The following PLCB4 variants were observed in gnomAD, a reference collection of about 807,000 sequenced individuals.
The protein encoded by PLCB4 is 1-phosphatidylinositol 4,5-bisphosphate phosphodiesterase beta-4.
A neutral mutation model predicts 178.8 loss-of-function variants in PLCB4; 77 were observed. That is an observed-to-expected ratio of 0.43 (90% CI 0.36 to 0.52). The LOEUF (loss-of-function observed/expected upper bound fraction) is 0.52, where lower values mean the gene tolerates loss of function less well. Ranked by LOEUF, PLCB4 falls within the 20% of genes least tolerant of loss-of-function variation. The pLI is 0.00. For synonymous variants in PLCB4, 496 were observed against 490.8 expected, an observed-to-expected ratio of 1.01 and a Z score of -0.14; for missense variants, 1,024 against 1,453.4, an observed-to-expected ratio of 0.70 and a Z score of 4.80.
At chr20:9,167,797 AT>A (rs2092996975) in intron 2 of PLCB4, among the ~76,000 whole-genome samples, 1 of 152,166 alleles carries the variant, frequency 6.6e-6, no homozygotes, top group Non-Finnish European at 1.5e-5. Context: ...TGCGTACTTT[AT>A]TTTTTCAGTT....
At chr20:9,262,511 G>A (rs989551652) in intron 3 of PLCB4, among the ~76,000 whole-genome samples, 17 of 152,130 alleles carry the variant, frequency 1.1e-4, no homozygotes, top group African/African-American at 4.1e-4. Context: ...TGATGAGACT[G>A]GAGGAGTAGG....
At chr20:9,336,059 T>C (rs1243899302) in intron 4 of PLCB4, among the ~76,000 whole-genome samples, 1 of 152,140 alleles carries the variant, frequency 6.6e-6, no homozygotes, top group African/African-American at 2.4e-5. Flanking sequence ...CTTAAAACCT[T>C]AATCCTGTAA....
At chr20:9,373,322 C>T (rs1022088373) in intron 12 of PLCB4, among the ~76,000 whole-genome samples, 1 of 152,132 alleles carries the variant, frequency 6.6e-6, no homozygotes, top group African/African-American at 2.4e-5. Context: ...TTGTTGGTTT[C>T]TGGCTGTTAC....
intron 3 of PLCB4, among the ~76,000 whole-genome samples, chr20:9,281,647 A>G (rs2147696251): frequency 6.6e-6 from 1 of 152,128 alleles, no homozygotes; most frequent in East Asian, 1.9e-4. Context: ...TTTTATATTT[A>G]AAATGATAGT....
intron 3 of PLCB4, among the ~76,000 whole-genome samples, chr20:9,288,707 G>T (rs1275379574): frequency 6.6e-6 from 1 of 151,982 alleles, no homozygotes; most frequent in African/African-American, 2.4e-5. Flanking sequence ...GCCACATGTG[G>T]AAAGAGGATC....
chr20:9,172,755 G>A (rs1218565429), intron 2 of PLCB4, among the ~76,000 whole-genome samples: 2 of 151,974 alleles, frequency 1.3e-5, no homozygotes, highest in African/African-American at 2.4e-5. Flanking sequence ...CTGTCAACTC[G>A]CCCTAAGAAC....
At chr20:9,222,872 G>A (rs1175661978) in intron 3 of PLCB4, among the ~76,000 whole-genome samples, 1 of 152,160 alleles carries the variant, frequency 6.6e-6, no homozygotes, top group Non-Finnish European at 1.5e-5. Context: ...GAATCTCCCA[G>A]CTTGGTAACA....
At chr20:9,288,263 A>G (rs1389026952) in intron 3 of PLCB4, among the ~76,000 whole-genome samples, 1 of 152,090 alleles carries the variant, frequency 6.6e-6, no homozygotes, top group Admixed American at 6.6e-5. Context: ...TAATTTTATT[A>G]TAGCCCTTTA....
At chr20:9,128,482 T>C (rs1312500366) in intron 2 of PLCB4, among the ~76,000 whole-genome samples, 1 of 152,172 alleles carries the variant, frequency 6.6e-6, no homozygotes, top group Non-Finnish European at 1.5e-5. Flanking sequence ...AGTGGCGCAG[T>C]CTTGGCTCAC....
chr20:9,366,011 C>T (rs932141247), intron 9 of PLCB4, among the ~76,000 whole-genome samples: 3 of 152,146 alleles, frequency 2.0e-5, no homozygotes, highest in Non-Finnish European at 2.9e-5. Flanking sequence ...TGCCTACTCT[C>T]TACATGTACT....
Position 9,465,805 on chromosome 20 carries a change from A to G in PLCB4, c.3249-2766A>G, listed in dbSNP as rs1336536094. ...AAAGAGGACAGAAATGAATGGAAGAACATTCCATGCTCATGGATAGGAAGA... is the reference window on the plus strand; with the variant it reads ...AAAGAGGACAGAAATGAATGGAAGAGCATTCCATGCTCATGGATAGGAAGA... On this transcript the variant is annotated intron_variant, in intron 35 of 39. Transcript: ENST00000378473. Among the ~76,000 whole-genome samples, 2 of 152,260 alleles carry G rather than the reference A, an allele frequency of 1.3e-5. 1 individual carries two copies. Among genetic ancestry groups the G allele is most frequent in the South Asian group, 4.1e-4 (2 of 4,830 alleles).
chr20:9,182,545 G>T (rs1439691857), intron 2 of PLCB4, among the ~76,000 whole-genome samples: 1 of 152,178 alleles, frequency 6.6e-6, no homozygotes, highest in East Asian at 1.9e-4. Flanking sequence ...GTGCATGGAT[G>T]GGTGGTTTAC....
At chr20:9,116,904 T>C (rs2091799597) in intron 2 of PLCB4, among the ~76,000 whole-genome samples, 1 of 152,174 alleles carries the variant, frequency 6.6e-6, no homozygotes, top group Admixed American at 6.6e-5. Flanking sequence ...ATCCTGCATG[T>C]TTTTTATTCA....
At chr20:9,085,243 G>C (rs896874546) in intron 1 of PLCB4, among the ~76,000 whole-genome samples, 4 of 151,908 alleles carry the variant, frequency 2.6e-5, no homozygotes, top group African/African-American at 9.7e-5. Context: ...ACATAATAAA[G>C]GTTCTTCTCC....
chr20:9,169,143 C>G (rs142798792), intron 2 of PLCB4, among the ~76,000 whole-genome samples: 1 of 152,280 alleles, frequency 6.6e-6, no homozygotes, highest in African/African-American at 2.4e-5. Flanking sequence ...AGGTGCTCCA[C>G]TTTAGCTCCC....
chr20:9,164,897 G>A (rs924129788), intron 2 of PLCB4, among the ~76,000 whole-genome samples: 3 of 152,314 alleles, frequency 2.0e-5, no homozygotes, highest in Admixed American at 6.5e-5. Flanking sequence ...GGTTTTACAC[G>A]TGGTTTGCTG....
intron 14 of PLCB4, among the ~76,000 whole-genome samples, chr20:9,384,939 G>A (rs2037456372): frequency 6.6e-6 from 1 of 152,112 alleles, no homozygotes. Context: ...GGTTTTCCTA[G>A]GCAGAGGTCC....
In PLCB4 at chr20:9,421,330, A is replaced by G. The variant is rs1415123416; in HGVS notation, c.2188A>G (p.Ile730Val). Residue 730 changes from isoleucine to valine, a missense_variant, in exon 27 of 40, where the codon ATT (isoleucine) becomes GTT (valine). Coordinates refer to ENST00000378473, the MANE Select transcript of PLCB4 (RefSeq NM_001377142.1). ...AGGTCAATTCTTATCAGATAAGAAAATTGGCACCTACGTAGAGGTGGATAT... is the reference window on the plus strand; with the variant it reads ...AGGTCAATTCTTATCAGATAAGAAAGTTGGCACCTACGTAGAGGTGGATAT... ...ISGQFLSDKK[I>V]GTYVEVDMYG... 1.2e-6 allele frequency: 2 copies of G among 1,613,732 alleles called. No individual in the cohort carries two copies. Among genetic ancestry groups the G allele is most frequent in the Non-Finnish European group, 1.7e-6 (2 of 1,179,818 alleles).
chr20:9,333,285 G>A (rs185092761), intron 4 of PLCB4, among the ~76,000 whole-genome samples: 101 of 152,212 alleles, frequency 6.6e-4, no homozygotes, highest in Admixed American at 1.4e-3. Context: ...TTGCATTCTG[G>A]TGTGGGAGTC....
Sources: gnomAD v4.1 joint callset for allele counts (sites outside exome capture counted in the v4.1 genomes callset) on GRCh38, gnomAD v4.1.1 for gene constraint, MANE v1.5 for transcripts, NCBI Gene and HGNC (gene_info 2026-07-23, HGNC 2026-07-21) for gene names.